The following RFTN2 variants were observed in gnomAD, a reference collection of about 807,000 sequenced individuals.
The protein encoded by RFTN2 is raftlin-2.
RFTN2 carries 34 observed loss-of-function variants against 52.7 expected under a neutral mutation model. That is an observed-to-expected ratio of 0.64 (90% CI 0.49 to 0.86). The LOEUF is 0.86. Ranked by LOEUF, RFTN2 falls within the 40% of genes least tolerant of loss-of-function variation. The pLI, the probability that RFTN2 is intolerant of heterozygous loss-of-function variation, is 0.00. For missense variants in RFTN2, 536 were observed against 600.1 expected, an observed-to-expected ratio of 0.89 and a Z score of 1.12; for synonymous variants, 203 against 217.7, an observed-to-expected ratio of 0.93 and a Z score of 0.59.
chr2:197,597,252 C>T (rs2087806793), intron 7 of RFTN2, among the ~76,000 whole-genome samples: 2 of 152,140 alleles, frequency 1.3e-5, no homozygotes, highest in Admixed American at 1.3e-4. Context: ...AATCTCATTC[C>T]ATTTTGACCT....
chr2:197,646,704 T>G (rs756652254), intron 1 of RFTN2, 38 bp from the exon 2 acceptor site: 14 of 1,470,846 alleles, frequency 9.5e-6, no homozygotes, highest in Admixed American at 5.3e-5. Context: ...TGCATATTCT[T>G]AAGATTGAAT....
intron 3 of RFTN2, among the ~76,000 whole-genome samples, chr2:197,640,711 G>C (rs966602197): frequency 1.3e-5 from 2 of 152,174 alleles, no homozygotes; most frequent in Non-Finnish European, 2.9e-5. Context: ...CGCTCACGCC[G>C]GGAGCTGTAG....
chr2:197,590,655 T>C (rs759191708), intron 8 of RFTN2, among the ~76,000 whole-genome samples: 1 of 152,166 alleles, frequency 6.6e-6, no homozygotes, highest in Non-Finnish European at 1.5e-5. Flanking sequence ...TTGCTCCTTC[T>C]GGTGTTTGGA....
intron 8 of RFTN2, among the ~76,000 whole-genome samples, chr2:197,590,450 G>C (rs562785032): frequency 6.6e-6 from 1 of 152,050 alleles, no homozygotes; most frequent in Admixed American, 6.6e-5. Context: ...CATAACTTCC[G>C]AAGAAAAAAA....
chr2:197,572,627 T>C (rs2106156946), intron 8 of RFTN2, among the ~76,000 whole-genome samples: 1 of 152,338 alleles, frequency 6.6e-6, no homozygotes, highest in South Asian at 2.1e-4. Context: ...TAAATACTAA[T>C]ATGTTTTTCT....
intron 8 of RFTN2, among the ~76,000 whole-genome samples, chr2:197,588,493 G>C (rs935356597): frequency 6.6e-6 from 1 of 152,236 alleles, no homozygotes; most frequent in African/African-American, 2.4e-5. Context: ...TGGGATTACA[G>C]AGGTGAGACA....
chr2:197,643,889 G>A (rs2088709814), intron 3 of RFTN2, among the ~76,000 whole-genome samples: 1 of 151,870 alleles, frequency 6.6e-6, no homozygotes, highest in South Asian at 2.1e-4. Flanking sequence ...ATTAAATAAT[G>A]GTTGTTCCTC....
chr2:197,616,567 C>A (rs2088149554), intron 6 of RFTN2, among the ~76,000 whole-genome samples: 1 of 152,080 alleles, frequency 6.6e-6, no homozygotes, highest in Non-Finnish European at 1.5e-5. Context: ...GCTGGGGTTA[C>A]AGACGTGAGC....
At chr2:197,590,974 C>A (rs1407075250) in intron 8 of RFTN2, among the ~76,000 whole-genome samples, 2 of 152,174 alleles carry the variant, frequency 1.3e-5, no homozygotes, top group East Asian at 3.8e-4. Flanking sequence ...CTGGCTGAGG[C>A]AGCCTGCTTT....
At chr2:197,666,759 A>G (rs1276420852) in intron 1 of RFTN2, among the ~76,000 whole-genome samples, 15 of 152,192 alleles carry the variant, frequency 9.9e-5, no homozygotes, top group East Asian at 5.8e-4. Context: ...TGAGATTCCA[A>G]TAATTCGAGT....
chr2:197,637,551 A>G (rs1247439935), intron 3 of RFTN2, among the ~76,000 whole-genome samples: 1 of 152,212 alleles, frequency 6.6e-6, no homozygotes, highest in East Asian at 1.9e-4. Context: ...GTATTCTCTG[A>G]TGGTAGTTTG....
rs558435839 is a variant in RFTN2 at position 197,633,692 on chromosome 2, C to T, written c.718+26G>A. The T allele has an allele frequency of 2.8e-5, 45 of 1,591,784 alleles. No homozygotes were observed. The South Asian group carries it at 4.6e-4, about 16-fold the overall frequency. On this transcript the variant is annotated intron_variant, in intron 4 of 8. Coordinates refer to ENST00000295049, the MANE Select transcript of RFTN2 (RefSeq NM_144629.3). The stretch of plus-strand genomic sequence containing the variant: ...TATTTTGCTTAAACTATAGTATATT[C>T]TCTTTCTACTAATCTTGTCTATTAC...
intron 8 of RFTN2, among the ~76,000 whole-genome samples, chr2:197,592,501 A>G (rs931537123): frequency 1.3e-5 from 2 of 152,130 alleles, no homozygotes; most frequent in African/African-American, 4.8e-5. Context: ...GGCTGAAGAA[A>G]TTTTTTTCAA....
chr2:197,644,261 G>A lies in RFTN2; in HGVS notation c.335C>T (p.Ser112Leu), dbSNP rs369606195. Residue 112 changes from serine (S) to leucine (L), a missense_variant, in exon 3 of 9, where the codon TCG becomes TTG. Coordinates refer to ENST00000295049, the MANE Select transcript of RFTN2 (RefSeq NM_144629.3). ...LLRLKLSPKN[S>L]AAPSGQRRPR... ...GCGTCTTTGTCCACTGGGTGCTGCC[G>A]AATTCTTTGGGCTGTAACAGAGGGA... The A allele has an allele frequency of 3.8e-5, 60 of 1,591,026 alleles. No individual in the cohort carries two copies. Among genetic ancestry groups the A allele is most frequent in the Middle Eastern group, 1.7e-4 (1 of 6,044 alleles).
At chr2:197,674,359 A>AAAAAAAAAAG in intron 1 of RFTN2, among the ~76,000 whole-genome samples, 1 of 149,908 alleles carries the variant, frequency 6.7e-6, no homozygotes, top group African/African-American at 2.4e-5. Flanking sequence ...AAAAAAAAAA[A>AAAAAAAAAAG]AAAAGAAAAG....
Position 197,569,104 on chromosome 2 carries a change from A to C in RFTN2, c.*2904T>G, listed in dbSNP as rs1253440638. On this transcript the variant is annotated 3_prime_UTR_variant, in exon 9 of 9. Coordinates refer to ENST00000295049, the MANE Select transcript of RFTN2 (RefSeq NM_144629.3). The stretch of plus-strand genomic sequence containing the variant: ...TTAAATGTGTCCATAAAAGATAACA[A>C]GGTGGTATACAATCCAAAGGGGATG... 1.3e-5 allele frequency: 2 copies of C among 152,206 alleles called. No individual in the cohort carries two copies. Among genetic ancestry groups the C allele is most frequent in the East Asian group, 3.8e-4 (2 of 5,200 alleles). 9.4% of individuals were successfully genotyped at this position (152,206 alleles called of 1,614,324 possible).
chr2:197,590,393 G>A (rs912623143), intron 8 of RFTN2, among the ~76,000 whole-genome samples: 3 of 152,156 alleles, frequency 2.0e-5, no homozygotes, highest in Non-Finnish European at 4.4e-5. Flanking sequence ...CTAGAATACT[G>A]CAGAAGATCT....
chr2:197,665,231 T>G (rs888064539), intron 1 of RFTN2, among the ~76,000 whole-genome samples: 45 of 152,326 alleles, frequency 3.0e-4, no homozygotes, highest in African/African-American at 8.9e-4. Context: ...GAACCTTCTA[T>G]ACTTTCTGTT....
intron 3 of RFTN2, among the ~76,000 whole-genome samples, chr2:197,640,472 T>C (rs956651363): frequency 1.3e-5 from 2 of 152,234 alleles, no homozygotes; most frequent in African/African-American, 4.8e-5. Context: ...AAAAGCGCAA[T>C]ATTCGGGTGG....
Sources: gnomAD v4.1 joint callset for allele counts (sites outside exome capture counted in the v4.1 genomes callset) on GRCh38, gnomAD v4.1.1 for gene constraint, MANE v1.5 for transcripts, NCBI Gene and HGNC (gene_info 2026-07-23, HGNC 2026-07-21) for gene names.